YES1: variants seen among roughly 807,000 people sequenced by gnomAD.
YES1 encodes the protein tyrosine-protein kinase Yes.
In YES1, 39 loss-of-function variants were observed where a neutral mutation model predicts 70.4. The ratio of observed to expected loss-of-function variants is 0.55; its 90% confidence interval spans 0.43 to 0.72. The LOEUF is 0.72. Ranked by LOEUF, YES1 falls within the 30% of genes least tolerant of loss-of-function variation. The pLI, the probability that YES1 is intolerant of heterozygous loss-of-function variation, is 0.00. For synonymous variants in YES1, 198 were observed against 218.6 expected (o/e 0.91, Z 0.83); for missense variants, 495 against 644.8 (o/e 0.77, Z 2.52).
chr18:795,944 CAT>C (rs1555691582), intron 1 of YES1, among the ~76,000 whole-genome samples: 11 of 149,534 alleles, frequency 7.4e-5, no homozygotes, highest in East Asian at 6.0e-4. Context: ...CACACACACA[CAT>C]AAGACCTATG....
intron 1 of YES1, among the ~76,000 whole-genome samples, chr18:791,123 G>A (rs1028993421): frequency 4.0e-5 from 6 of 151,550 alleles, no homozygotes; most frequent in African/African-American, 1.5e-4. Context: ...GGTGGTGCGC[G>A]TTTGTAATCC....
At chr18:782,160 CT>C (rs1905704213) in intron 1 of YES1, among the ~76,000 whole-genome samples, 1 of 152,212 alleles carries the variant, frequency 6.6e-6, no homozygotes, top group East Asian at 1.9e-4. Context: ...ATCTTAGTCT[CT>C]CTTCATCTTT....
At chr18:726,586 C>A (rs1417739409) in intron 11 of YES1, among the ~76,000 whole-genome samples, 1 of 151,624 alleles carries the variant, frequency 6.6e-6, no homozygotes. Flanking sequence ...TTGAGACCAG[C>A]CTGGCCAACA....
chr18:724,130 T>C lies in YES1; in HGVS notation c.*294A>G, dbSNP rs796694837. On this transcript the variant is annotated 3_prime_UTR_variant, in exon 12 of 12. Coordinates refer to ENST00000314574, the MANE Select transcript of YES1 (RefSeq NM_005433.4). ...GGAAAAAAAGAAAGGAAATGATTTATAAATAAGCAGGAGCCTCACTGTCCT... is the reference window on the plus strand; with the variant it reads ...GGAAAAAAAGAAAGGAAATGATTTACAAATAAGCAGGAGCCTCACTGTCCT... The C allele has an allele frequency of 3.2e-4, 81 of 253,160 alleles. No individual in the cohort carries two copies. Among genetic ancestry groups the C allele is most frequent in the African/African-American group, 1.7e-3 (78 of 45,588 alleles). 15.7% of individuals were successfully genotyped at this position (253,160 alleles called of 1,614,324 possible).
chr18:748,978 T>A (rs2080311078), intron 3 of YES1, among the ~76,000 whole-genome samples: 1 of 151,950 alleles, frequency 6.6e-6, no homozygotes, highest in Admixed American at 6.6e-5. Context: ...CTGGTCAACA[T>A]GGTGAAACCT....
chr18:765,959 A>G (rs1453219023), intron 1 of YES1, among the ~76,000 whole-genome samples: 1 of 152,240 alleles, frequency 6.6e-6, no homozygotes, highest in African/African-American at 2.4e-5. Flanking sequence ...GAATATCTTC[A>G]TAAGTTGGGA....
At chr18:765,438 G>A (rs182034342) in intron 1 of YES1, among the ~76,000 whole-genome samples, 5 of 134,848 alleles carry the variant, frequency 3.7e-5, no homozygotes, top group Admixed American at 7.9e-5. Flanking sequence ...TCGCTCTGTC[G>A]CCCAGGCTGG....
intron 6 of YES1, 45 bp downstream of exon 6, chr18:745,663 C>A (rs759164721): frequency 1.3e-6 from 2 of 1,544,972 alleles, no homozygotes; most frequent in Non-Finnish European, 1.7e-6. Context: ...TCCTCATAAA[C>A]TAGAATATGA....
intron 10 of YES1, chr18:736,114 A>C (rs1403656120): frequency 6.5e-6 from 1 of 152,906 alleles, no homozygotes; most frequent in Non-Finnish European, 1.5e-5. Flanking sequence ...TCAAGGCTGC[A>C]GTGGGCTGAA....
rs553791530 is a variant in YES1, at chr18:791,688, C to G, written c.-9+20426G>C. 6.6e-5 allele frequency among the ~76,000 whole-genome samples: 10 copies of G among 152,242 alleles called. No homozygotes were observed. In the South Asian group the frequency reaches 2.1e-3, roughly 32 times the overall value. Reference sequence around the variant, plus strand: ...TAATATCTTATTTAACCTACTATATCAAAAATGTTATCAACATGCAATTAA... The same window carrying G: ...TAATATCTTATTTAACCTACTATATGAAAAATGTTATCAACATGCAATTAA... On this transcript the variant is annotated intron_variant, in intron 1 of 11. Coordinates refer to ENST00000314574, the MANE Select transcript of YES1 (RefSeq NM_005433.4).
chr18:736,999 T>TAC, intron 9 of YES1, 38 bp from the exon 10 acceptor site: 1 of 1,520,748 alleles, frequency 6.6e-7, no homozygotes, highest in Non-Finnish European at 8.8e-7. Context: ...AGACATACGA[T>TAC]ACAAAGGGAA....
At chr18:749,016 C>A (rs2080311364) in intron 3 of YES1, among the ~76,000 whole-genome samples, 1 of 151,996 alleles carries the variant, frequency 6.6e-6, no homozygotes, top group African/African-American at 2.4e-5. Context: ...CAAAAATTAG[C>A]TAGATGCAGC....
At position 743,339 on chromosome 18, in the gene YES1, T is replaced by C; in HGVS notation, c.801A>G (p.Lys267=). The change falls in exon 7 of 12, where the codon AAA becomes AAG. Residue 267 remains lysine, a synonymous_variant. Coordinates refer to ENST00000314574, the MANE Select transcript of YES1 (RefSeq NM_005433.4). ...TVKPQTQGLA[K]DAWEIPRESL... is the part of the protein sequence containing the mutation. ...ATTCTCGAGGGATTTCCCAAGCATC[T>C]TTTGCTAGACCTTGAGTCTGAGGTT... 6.2e-7 allele frequency: 1 copy of C among 1,612,768 alleles called. No homozygotes were observed. Among genetic ancestry groups the C allele is most frequent in the African/African-American group, 1.3e-5 (1 of 75,016 alleles).
intron 1 of YES1, among the ~76,000 whole-genome samples, chr18:793,969 C>G (rs1326410771): frequency 6.6e-6 from 1 of 152,122 alleles, no homozygotes; most frequent in Non-Finnish European, 1.5e-5. Context: ...AGAATCCCAA[C>G]TACTAAACTT....
At chr18:753,884 T>C (rs949408908) in intron 2 of YES1, among the ~76,000 whole-genome samples, 10 of 152,196 alleles carry the variant, frequency 6.6e-5, no homozygotes, top group Non-Finnish European at 1.5e-4. Flanking sequence ...CCCAAGTCTT[T>C]CCTATCTAAG....
Position 732,895 on chromosome 18 carries a change from A to G in YES1, c.1362T>C (p.Asp454=), listed in dbSNP as rs2080109068. 6.2e-7 allele frequency: 1 copy of G among 1,614,214 alleles called. No individual in the cohort carries two copies. Among genetic ancestry groups the G allele is most frequent in the Non-Finnish European group, 8.5e-7 (1 of 1,180,030 alleles). The change falls in exon 11 of 12, where the codon GAT becomes GAC. Residue 454 remains aspartate (D), a synonymous_variant. Coordinates refer to ENST00000314574, the MANE Select transcript of YES1 (RefSeq NM_005433.4). ...ALYGRFTIKS[D]VWSFGILQTE... ...TTTGCAGAATTCCAAATGACCAGAC[A>G]TCAGACTTTATTGTAAACCGACCAT... is the stretch of plus-strand genomic sequence containing the variant.
In YES1 at chr18:745,997, A is replaced by C; in HGVS notation, c.525T>G (p.Pro175=). ...RKDAERLLLN[P]GNQRGIFLVR... ...CTAAGAAAATACCTCGTTGATTTCCAGGATTCAAAAGTAATCTTTCAGCAT... is the reference window on the plus strand; with the variant it reads ...CTAAGAAAATACCTCGTTGATTTCCCGGATTCAAAAGTAATCTTTCAGCAT... Residue 175 remains proline, a synonymous_variant, in exon 5 of 12, where the codon CCT becomes CCG. Coordinates refer to ENST00000314574, the MANE Select transcript of YES1 (RefSeq NM_005433.4). 6.2e-7 allele frequency: 1 copy of C among 1,613,130 alleles called. No individual in the cohort carries two copies.
intron 1 of YES1, among the ~76,000 whole-genome samples, chr18:794,867 A>G (rs1289103838): frequency 6.6e-6 from 1 of 152,184 alleles, no homozygotes; most frequent in African/African-American, 2.4e-5. Flanking sequence ...CCCAGGCTGG[A>G]GAGCAGTGGT....
At chr18:794,430 A>G (rs1287139536) in intron 1 of YES1, among the ~76,000 whole-genome samples, 1 of 152,218 alleles carries the variant, frequency 6.6e-6, no homozygotes, top group Non-Finnish European at 1.5e-5. Context: ...ATTAAATGCA[A>G]CATGTATTTC....
Sources: gnomAD v4.1 joint callset for allele counts (sites outside exome capture counted in the v4.1 genomes callset) on GRCh38, gnomAD v4.1.1 for gene constraint, MANE v1.5 for transcripts, NCBI Gene and HGNC (gene_info 2026-07-23, HGNC 2026-07-21) for gene names.